TATDN2: variants seen among roughly 807,000 people sequenced by gnomAD.
The protein encoded by TATDN2 is 3'-5' RNA nuclease TATDN2.
In TATDN2, 44 loss-of-function variants were observed where a neutral mutation model predicts 60.3. That is an observed-to-expected ratio of 0.73 (90% CI 0.57 to 0.94). The LOEUF (loss-of-function observed/expected upper bound fraction) is 0.94, where lower values mean the gene tolerates loss of function less well. Ranked by LOEUF, TATDN2 falls within the 40% of genes least tolerant of loss-of-function variation. TATDN2 has a pLI of 0.00. For missense variants in TATDN2, 997 were observed against 948.0 expected (o/e 1.05, Z -0.68); for synonymous variants, 399 against 355.8 (o/e 1.12, Z -1.37).
Position 10,280,300 on chromosome 3 carries a change from G to C in TATDN2, c.*1118G>C, listed in dbSNP as rs1450135219. On this transcript the variant is annotated 3_prime_UTR_variant, in exon 8 of 8. Coordinates refer to ENST00000448281, the MANE Select transcript of TATDN2 (RefSeq NM_014760.4). ...TGCCTCTCCTGTGTCCTGTCTTTCT[G>C]CGTTTTAGAAGTGAGAGCCTCTCCT... 1 of 153,800 alleles carries C rather than the reference G, an allele frequency of 6.5e-6. No homozygotes were observed. The highest frequency in any genetic ancestry group is 2.4e-5 in the African/African-American group (1 of 41,448). The allele number at this position is 153,800 out of a possible 1,614,324, so 9.5% of individuals were successfully genotyped here.
chr3:10,270,324 A>G lies in TATDN2; in HGVS notation c.1142A>G (p.Asp381Gly). The G allele has an allele frequency of 6.2e-7, 1 of 1,614,186 alleles. No individual in the cohort carries two copies. The highest frequency in any genetic ancestry group is 1.1e-5 in the South Asian group (1 of 91,086). ...CATTTGTACAGTAGTCCTTGGTGTGACTACGCCAGCTATTGGACCAGCAGC... is the reference window on the plus strand; with the variant it reads ...CATTTGTACAGTAGTCCTTGGTGTGGCTACGCCAGCTATTGGACCAGCAGC... ...PPHLYSSPWC[D>G]YASYWTSSPK... The change falls in exon 4 of 8, where the codon GAC (aspartate) becomes GGC (glycine). Residue 381 changes from aspartate to glycine, a missense_variant. Physicochemically the swap from Asp to Gly is moderately conservative, Grantham distance 94 (BLOSUM62 -1). Coordinates refer to ENST00000448281, the MANE Select transcript of TATDN2 (RefSeq NM_014760.4).
chr3:10,254,383 A>G (rs1027264452), intron 2 of TATDN2, among the ~76,000 whole-genome samples: 1 of 152,200 alleles, frequency 6.6e-6, no homozygotes, highest in South Asian at 2.1e-4. Flanking sequence ...ATACATGCCC[A>G]AAATGTCAGG....
In TATDN2 at chr3:10,257,841, A is replaced by ATTTTTTTTT. The variant is rs553265148; in HGVS notation, c.415-2269_415-2261dup. On this transcript the variant is annotated intron_variant, in intron 2 of 7. Coordinates refer to ENST00000448281, the MANE Select transcript of TATDN2 (RefSeq NM_014760.4). ...AAGTATAGATTTCTAAAGGTTTATG[A>ATTTTTTTTT]TTTTTTTTTTTTTTTTTTTTTTTTT... Among the ~76,000 whole-genome samples the ATTTTTTTTT allele has an allele frequency of 5.2e-3, 157 of 30,298 alleles. 33 individuals are homozygous for ATTTTTTTTT. Among genetic ancestry groups the ATTTTTTTTT allele is most frequent in the South Asian group, 0.011 (5 of 468 alleles). 19.9% of individuals were successfully genotyped at this position (30,298 alleles called of 152,430 possible).
rs1698555360 is a variant in TATDN2 at position 10,270,996 on chromosome 3, C to G, written c.1814C>G (p.Pro605Arg). ...GATTACTCTTACAAGTGCACCACGCCTGTCCCAGAACAGCACAAGGTAACA... is the reference window on the plus strand; with the variant it reads ...GATTACTCTTACAAGTGCACCACGCGTGTCCCAGAACAGCACAAGGTAACA... Reference protein sequence around the residue: ...GLDYSYKCTTPVPEQHKVFER... With the variant: ...GLDYSYKCTTRVPEQHKVFER... The change falls in exon 4 of 8, where the codon CCT (proline) becomes CGT (arginine). Residue 605 changes from proline (P) to arginine (R), a missense_variant. Pro to Arg is a moderately radical substitution (Grantham distance 103). Coordinates refer to ENST00000448281, the MANE Select transcript of TATDN2 (RefSeq NM_014760.4). 1.3e-6 allele frequency: 2 copies of G among 1,596,732 alleles called. No homozygotes were observed. The highest frequency in any genetic ancestry group is 2.2e-5 in the South Asian group (2 of 88,918).
intron 3 of TATDN2, among the ~76,000 whole-genome samples, chr3:10,263,202 AT>A (rs1263923105): frequency 2.5e-3 from 340 of 134,476 alleles, no homozygotes; most frequent in Middle Eastern, 4.0e-3. Flanking sequence ...CCCAACCTGT[AT>A]TTTTTTTTTT....
chr3:10,269,416 A>G (rs960010837), intron 3 of TATDN2, among the ~76,000 whole-genome samples: 3 of 152,282 alleles, frequency 2.0e-5, no homozygotes, highest in Non-Finnish European at 2.9e-5. Flanking sequence ...ACGTTTAAAA[A>G]CTGTCACAAT....
chr3:10,249,675 G>A lies in TATDN2; in HGVS notation c.414+61G>A, dbSNP rs532573544. 6.1e-6 allele frequency: 9 copies of A among 1,465,644 alleles called. No individual in the cohort carries two copies. The South Asian group carries it at 1.0e-4, about 17-fold the overall frequency. 90.8% of individuals were successfully genotyped at this position (1,465,644 alleles called of 1,614,324 possible). A position where few individuals can be genotyped will look rare whatever the true frequency, so the allele number is the denominator to read the frequency against. On this transcript the variant is annotated intron_variant, in intron 2 of 7. Transcript: ENST00000448281. ...CCTTCCACATGGCTTGAGAGGTTGGGGATGGGAATTTTGGTGGAAGGAGAC... is the reference window on the plus strand; with the variant it reads ...CCTTCCACATGGCTTGAGAGGTTGGAGATGGGAATTTTGGTGGAAGGAGAC...
intron 3 of TATDN2, among the ~76,000 whole-genome samples, chr3:10,267,525 G>A (rs1489653324): frequency 6.6e-6 from 1 of 152,146 alleles, no homozygotes. Flanking sequence ...ATTTTTAAAT[G>A]TGTCAAGTCT....
intron 2 of TATDN2, among the ~76,000 whole-genome samples, chr3:10,250,182 T>C (rs201996119): frequency 8.4e-4 from 117 of 140,118 alleles, no homozygotes; most frequent in East Asian, 2.2e-3. Flanking sequence ...TTTTTTTTTT[T>C]CTTTTTTTTT....
intron 3 of TATDN2, among the ~76,000 whole-genome samples, chr3:10,265,016 G>GT (rs1698457078): frequency 1.5e-5 from 1 of 65,770 alleles, no homozygotes; most frequent in Non-Finnish European, 2.8e-5. Context: ...TTTTTTTTTT[G>GT]GTCTTTTTTT....
Position 10,260,134 on chromosome 3 carries a change from C to T in TATDN2, c.415-3C>T. On this transcript the variant is annotated splice_polypyrimidine_tract_variant and splice_region_variant and intron_variant, in intron 2 of 7. Coordinates refer to ENST00000448281, the MANE Select transcript of TATDN2 (RefSeq NM_014760.4). ...CCTTTCAATTCTGTTTTTTTTTTCC[C>T]AGGTTGATTCCAAAGATAGTTCTCA... 1.9e-6 allele frequency: 3 copies of T among 1,588,514 alleles called. No individual in the cohort carries two copies. Among genetic ancestry groups the T allele is most frequent in the Non-Finnish European group, 2.6e-6 (3 of 1,171,498 alleles).
chr3:10,249,318 C>G lies in TATDN2; in HGVS notation c.118C>G (p.Gln40Glu). The G allele has an allele frequency of 6.2e-6, 10 of 1,611,372 alleles. No individual in the cohort carries two copies. The highest frequency in any genetic ancestry group is 8.5e-6 in the Non-Finnish European group (10 of 1,178,274). The change falls in exon 2 of 8, where the codon CAG (glutamine) becomes GAG (glutamate). Residue 40 changes from glutamine (Q) to glutamate (E), a missense_variant. Transcript: ENST00000448281. Reference protein sequence around the residue: ...CDVAPSSRPAQRSASRSGGPS... With the variant: ...CDVAPSSRPAERSASRSGGPS... The stretch of plus-strand genomic sequence containing the variant: ...TGTGGCCCCCTCCAGCCGGCCAGCT[C>G]AGAGGTCTGCGTCGCGTTCTGGAGG...
At chr3:10,250,906 C>T (rs1327966657) in intron 2 of TATDN2, among the ~76,000 whole-genome samples, 3 of 152,186 alleles carry the variant, frequency 2.0e-5, no homozygotes. Flanking sequence ...TTTAGCTTCA[C>T]TGACAATTTG....
chr3:10,255,914 G>T lies in TATDN2; in HGVS notation c.415-4223G>T, dbSNP rs146023955. Reference sequence around the variant, plus strand: ...GCTGAGATGGCGCCACTGTACTCCGGCCTGGGCGACAGAGTGAGACTGTCT... The same window carrying T: ...GCTGAGATGGCGCCACTGTACTCCGTCCTGGGCGACAGAGTGAGACTGTCT... On this transcript the variant is annotated intron_variant, in intron 2 of 7. Coordinates refer to ENST00000448281, the MANE Select transcript of TATDN2 (RefSeq NM_014760.4). Among the ~76,000 whole-genome samples, 165 of 152,292 alleles carry T rather than the reference G, an allele frequency of 1.1e-3. 2 individuals are homozygous for T. Among genetic ancestry groups the T allele is most frequent in the African/African-American group, 3.7e-3 (152 of 41,562 alleles).
chr3:10,279,218 C>T lies in TATDN2; in HGVS notation c.*39-3C>T. 1 of 707,400 alleles carries T rather than the reference C, an allele frequency of 1.4e-6. No homozygotes were observed. 43.8% of individuals were successfully genotyped at this position (707,400 alleles called of 1,614,324 possible). On this transcript the variant is annotated splice_polypyrimidine_tract_variant and splice_region_variant and intron_variant, in intron 7 of 7. Coordinates refer to ENST00000448281, the MANE Select transcript of TATDN2 (RefSeq NM_014760.4). Reference sequence around the variant, plus strand: ...CTTCTTCTTTTTCTCTTCCACCCTCCAGGGCGACCAGCAGCCTGACAGAAC... The same window carrying T: ...CTTCTTCTTTTTCTCTTCCACCCTCTAGGGCGACCAGCAGCCTGACAGAAC...
At chr3:10,274,813 G>A (rs867837732) in intron 4 of TATDN2, among the ~76,000 whole-genome samples, 5 of 152,136 alleles carry the variant, frequency 3.3e-5, no homozygotes, top group Admixed American at 2.6e-4. Context: ...GCTATTTTGA[G>A]AAGAGGCAGT....
intron 2 of TATDN2, among the ~76,000 whole-genome samples, chr3:10,254,144 A>G (rs2241307): frequency 0.2 from 30,903 of 152,154 alleles, 4,135 homozygotes; most frequent in East Asian, 0.66. Flanking sequence ...CACGTGGAAC[A>G]CCAGGCTTGG....
chr3:10,249,445 C>T lies in TATDN2; in HGVS notation c.245C>T (p.Ser82Phe), dbSNP rs1698187440. The T allele has an allele frequency of 8.1e-6, 13 of 1,613,988 alleles. No homozygotes were observed. Among genetic ancestry groups the T allele is most frequent in the Middle Eastern group, 1.6e-4 (1 of 6,062 alleles). ...TCCCGCCGCAGAAATAACTCCTCCTCCTCCTTCTCCCCACATTTCTTGGGC... is the reference window on the plus strand; with the variant it reads ...TCCCGCCGCAGAAATAACTCCTCCTTCTCCTTCTCCCCACATTTCTTGGGC... ...GSSRRRNNSS[S>F]SFSPHFLGPG... is the part of the protein sequence containing the mutation. Residue 82 changes from serine to phenylalanine, a missense_variant, in exon 2 of 8, where the codon TCC (serine) becomes TTC (phenylalanine). Physicochemically the swap from Ser to Phe is radical, Grantham distance 155. Coordinates refer to ENST00000448281, the MANE Select transcript of TATDN2 (RefSeq NM_014760.4).
At chr3:10,275,912 G>A (rs1057029664) in intron 4 of TATDN2, among the ~76,000 whole-genome samples, 1 of 152,216 alleles carries the variant, frequency 6.6e-6, no homozygotes, top group Non-Finnish European at 1.5e-5. Context: ...CTGCATAGGA[G>A]AGGTCTGGAA....
Sources: gnomAD v4.1 joint callset for allele counts (sites outside exome capture counted in the v4.1 genomes callset) on GRCh38, gnomAD v4.1.1 for gene constraint, MANE v1.5 for transcripts, NCBI Gene and HGNC (gene_info 2026-07-23, HGNC 2026-07-21) for gene names.